The following CADM2 variants were observed in gnomAD, a reference collection of about 807,000 sequenced individuals.
CADM2 encodes the protein cell adhesion molecule 2, also known as immunoglobulin superfamily member 4D.
A neutral mutation model predicts 49.8 loss-of-function variants in CADM2; 12 were observed. The ratio of observed to expected loss-of-function variants is 0.24; its 90% CI spans 0.15 to 0.39. The LOEUF is 0.39. Among genes scored for constraint, CADM2 ranks in the 10% least tolerant of loss-of-function variants. The pLI is 1.00. For synonymous variants in CADM2, 214 were observed against 175.4 expected (o/e 1.22, Z -1.74); for missense variants, 378 against 492.3 (o/e 0.77, Z 2.20).
chr3:85,819,487 T>C (rs139567583), intron 3 of CADM2, among the ~76,000 whole-genome samples: 6 of 152,302 alleles, frequency 3.9e-5, no homozygotes, highest in African/African-American at 1.4e-4. Flanking sequence ...AACAAAAAAC[T>C]AATTCCCGAT....
intron 1 of CADM2, among the ~76,000 whole-genome samples, chr3:85,304,006 G>C (rs1427362937): frequency 6.6e-6 from 1 of 151,844 alleles, no homozygotes; most frequent in African/African-American, 2.4e-5. Context: ...AAAAGTCTTA[G>C]AGATACAGAC....
chr3:85,460,108 A>G (rs2038173074), intron 1 of CADM2, among the ~76,000 whole-genome samples: 1 of 152,116 alleles, frequency 6.6e-6, no homozygotes, highest in Non-Finnish European at 1.5e-5. Context: ...AACTGTACAA[A>G]ACGAGCTTGT....
chr3:85,888,370 G>A (rs888527081), intron 5 of CADM2, among the ~76,000 whole-genome samples: 2 of 152,068 alleles, frequency 1.3e-5, no homozygotes, highest in Admixed American at 6.6e-5. Flanking sequence ...TGGGCAGGAG[G>A]GGAAAGATTT....
intron 8 of CADM2, among the ~76,000 whole-genome samples, chr3:86,046,342 A>G (rs1267049765): frequency 6.6e-6 from 1 of 152,158 alleles, no homozygotes; most frequent in East Asian, 1.9e-4. Flanking sequence ...ATGCCATTTT[A>G]CACACATTAA....
chr3:85,478,815 A>G (rs1190152101), intron 1 of CADM2, among the ~76,000 whole-genome samples: 3 of 151,976 alleles, frequency 2.0e-5, no homozygotes, highest in Admixed American at 1.3e-4. Context: ...GCAATAGGAA[A>G]TAGTATATTG....
intron 1 of CADM2, among the ~76,000 whole-genome samples, chr3:85,062,330 CA>C (rs1559641181): frequency 6.6e-6 from 1 of 151,964 alleles, no homozygotes; most frequent in Non-Finnish European, 1.5e-5. Context: ...AACCAACAAA[CA>C]AAAACAGATA....
chr3:85,900,420 G>T (rs1195866561), intron 5 of CADM2, among the ~76,000 whole-genome samples: 7 of 152,056 alleles, frequency 4.6e-5, no homozygotes, highest in Admixed American at 4.6e-4. Context: ...GAGTTTTGAG[G>T]TTAGACATTA....
At chr3:85,307,750 A>G (rs1306682646) in intron 1 of CADM2, among the ~76,000 whole-genome samples, 4 of 151,712 alleles carry the variant, frequency 2.6e-5, no homozygotes, top group Non-Finnish European at 4.4e-5. Context: ...AAATATTTAC[A>G]TCTCAGGAAA....
intron 1 of CADM2, among the ~76,000 whole-genome samples, chr3:85,474,682 A>C (rs77868092): frequency 2.6e-3 from 393 of 152,026 alleles, no homozygotes; most frequent in Non-Finnish European, 4.7e-3. Flanking sequence ...TAAAATTTAA[A>C]ACCTTGATTG....
intron 1 of CADM2, among the ~76,000 whole-genome samples, chr3:85,677,721 T>C (rs1189558585): frequency 6.6e-6 from 1 of 152,144 alleles, no homozygotes; most frequent in East Asian, 1.9e-4. Flanking sequence ...TCACAAAGTA[T>C]CTTTAAAGAG....
At chr3:85,544,986 C>T (rs2061634602) in intron 1 of CADM2, among the ~76,000 whole-genome samples, 1 of 152,124 alleles carries the variant, frequency 6.6e-6, no homozygotes, top group Non-Finnish European at 1.5e-5. Flanking sequence ...ATCCAACTCC[C>T]ACCCAGACCT....
chr3:85,749,463 C>T (rs1037121007), intron 2 of CADM2, among the ~76,000 whole-genome samples: 12 of 151,982 alleles, frequency 7.9e-5, no homozygotes, highest in African/African-American at 2.9e-4. Context: ...TTATTAAATG[C>T]TTTAATGAAG....
chr3:85,426,259 A>C (rs571006283), intron 1 of CADM2, among the ~76,000 whole-genome samples: 6 of 151,568 alleles, frequency 4.0e-5, no homozygotes, highest in African/African-American at 1.5e-4. Flanking sequence ...TCCCTGCCTC[A>C]GCCTCCCATG....
At chr3:85,961,933 A>T (rs948113784) in intron 8 of CADM2, among the ~76,000 whole-genome samples, 7 of 151,458 alleles carry the variant, frequency 4.6e-5, no homozygotes, top group African/African-American at 1.7e-4. Context: ...GATTGTCTTT[A>T]TTTTATTTTT....
At chr3:85,887,329 TGCCTCA>T (rs1484921136) in intron 5 of CADM2, among the ~76,000 whole-genome samples, 1 of 152,114 alleles carries the variant, frequency 6.6e-6, no homozygotes, top group African/African-American at 2.4e-5. Context: ...GTGACCCTCC[TGCCTCA>T]GCCTCCTAAA....
chr3:85,058,785 G>T (rs910649301), intron 1 of CADM2, among the ~76,000 whole-genome samples: 2 of 151,968 alleles, frequency 1.3e-5, no homozygotes, highest in African/African-American at 2.4e-5. Context: ...ATAACTGATT[G>T]TTTATAGATT....
At chr3:85,976,555 T>C (rs957502738) in intron 8 of CADM2, among the ~76,000 whole-genome samples, 1 of 151,614 alleles carries the variant, frequency 6.6e-6, no homozygotes, top group African/African-American at 2.4e-5. Flanking sequence ...AAGAACAGAA[T>C]AAAACCCTCA....
At chr3:85,131,548 T>C (rs564824788) in intron 1 of CADM2, among the ~76,000 whole-genome samples, 8 of 152,294 alleles carry the variant, frequency 5.3e-5, no homozygotes, top group South Asian at 2.1e-4. Context: ...AATGTTTTCA[T>C]GCATATTTCA....
At chr3:85,465,180 AAAAC>A (rs1175059096) in intron 1 of CADM2, among the ~76,000 whole-genome samples, 5 of 152,130 alleles carry the variant, frequency 3.3e-5, no homozygotes, top group South Asian at 4.1e-4. Flanking sequence ...AACAACAACA[AAAAC>A]AAACAAACAA....
Sources: gnomAD v4.1 joint callset for allele counts (sites outside exome capture counted in the v4.1 genomes callset) on GRCh38, gnomAD v4.1.1 for gene constraint, MANE v1.5 for transcripts, NCBI Gene and HGNC (gene_info 2026-07-23, HGNC 2026-07-21) for gene names.